The following LARP4B variants were observed in gnomAD, a reference collection of about 807,000 sequenced individuals.
The protein encoded by LARP4B is La ribonucleoprotein 4B.
A neutral mutation model predicts 89.8 loss-of-function variants in LARP4B; 12 were observed. The ratio of observed to expected loss-of-function variants is 0.13; its 90% CI spans 0.09 to 0.22. The LOEUF (loss-of-function observed/expected upper bound fraction) is 0.22, where lower values mean the gene tolerates loss of function less well. LARP4B is among the 10% of genes least tolerant of loss of function. LARP4B has a pLI of 1.00. For synonymous variants in LARP4B, 367 were observed against 363.3 expected (o/e 1.01, Z -0.12); for missense variants, 757 against 947.7 (o/e 0.80, Z 2.64).
At chr10:947,903 A>T in the LARP4B span, among the ~76,000 whole-genome samples, 1 of 152,152 alleles carries the variant, frequency 6.6e-6, no homozygotes, top group Non-Finnish European at 1.5e-5. Flanking sequence ...GATTACAGGC[A>T]TGAGCCACTG....
the LARP4B span, among the ~76,000 whole-genome samples, chr10:938,423 G>A: frequency 6.6e-6 from 1 of 151,636 alleles, no homozygotes; most frequent in African/African-American, 2.4e-5. Context: ...GCTAATTTTT[G>A]TTGTATTTTT....
chr10:820,091 G>T (rs115715502), intron 14 of LARP4B: 64 of 151,414 alleles, frequency 4.2e-4, no homozygotes, highest in African/African-American at 1.5e-3. Context: ...TGGTTCATGG[G>T]TACTGCTAAC....
At chr10:920,214 G>C (rs910029791) in intron 1 of LARP4B, among the ~76,000 whole-genome samples, 6 of 152,186 alleles carry the variant, frequency 3.9e-5, no homozygotes, top group African/African-American at 1.4e-4. Flanking sequence ...TAAAGAGGAG[G>C]CTCGTTACAG....
intron 1 of LARP4B, among the ~76,000 whole-genome samples, chr10:896,332 A>G (rs976361564): frequency 2.6e-5 from 4 of 152,238 alleles, no homozygotes; most frequent in Admixed American, 6.5e-5. Context: ...ATAGCATCAA[A>G]GAATATTCAA....
rs200902072 is a variant in LARP4B, at chr10:814,981, C to T, written c.1785G>A (p.Thr595=). ...SVPASCAVSA[T]YERSPSPAHL... ...GAGCTGGGGAGGGGGATCGCTCGTA[C>T]GTTGCTGATACAGCACAAGAAGCCG... is the stretch of plus-strand genomic sequence containing the variant. Residue 595 remains threonine, a synonymous_variant, in exon 16 of 18, where the codon ACG becomes ACA. Coordinates refer to ENST00000316157, the MANE Select transcript of LARP4B (RefSeq NM_015155.3). This position sits in a 1 kb window ranked among gnomAD's most constrained non-coding sequence, Gnocchi z 4.4. The T allele has an allele frequency of 2.0e-4, 323 of 1,607,200 alleles. 2 individuals carry two copies. In the South Asian group the frequency reaches 3.3e-3, roughly 16 times the overall value.
intron 8 of LARP4B, among the ~76,000 whole-genome samples, chr10:831,847 C>T (rs1832921518): frequency 1.3e-5 from 2 of 152,054 alleles, no homozygotes; most frequent in Admixed American, 1.3e-4. Flanking sequence ...AAACTCCGAG[C>T]ATCTCCTCAA....
chr10:913,707 G>A (rs1054906676), intron 1 of LARP4B, among the ~76,000 whole-genome samples: 30 of 152,156 alleles, frequency 2.0e-4, no homozygotes, highest in Admixed American at 3.9e-4. Flanking sequence ...CTAGGAGTTC[G>A]AGACCAGCCA....
chr10:919,224 T>C (rs955199714), intron 1 of LARP4B, among the ~76,000 whole-genome samples: 6 of 152,204 alleles, frequency 3.9e-5, no homozygotes, highest in Admixed American at 3.9e-4. Flanking sequence ...ATGTGTGACT[T>C]AAGCCCCCAA....
intron 1 of LARP4B, among the ~76,000 whole-genome samples, chr10:925,401 A>G (rs2132058259): frequency 6.6e-6 from 1 of 152,312 alleles, no homozygotes; most frequent in African/African-American, 2.4e-5. Flanking sequence ...AAATGGAAAA[A>G]CATCCACTAA....
chr10:818,053 T>C (rs1832156964), intron 14 of LARP4B, 164 bp from the exon 15 acceptor site: 10 of 634,156 alleles, frequency 1.6e-5, no homozygotes, highest in Non-Finnish European at 2.4e-5. Flanking sequence ...ACTTCAACCA[T>C]CTAGAGCAGA....
the LARP4B span, among the ~76,000 whole-genome samples, chr10:961,710 C>T: frequency 3.3e-5 from 5 of 152,072 alleles, no homozygotes; most frequent in Non-Finnish European, 7.4e-5. Flanking sequence ...AGAGAGGAGA[C>T]GAGAGAGAGG....
At chr10:863,410 T>C (rs1404696828) in intron 5 of LARP4B, among the ~76,000 whole-genome samples, 1 of 152,012 alleles carries the variant, frequency 6.6e-6, no homozygotes, top group African/African-American at 2.4e-5. Context: ...ATTTTTTTTT[T>C]AGTAGAGACG....
the LARP4B span, among the ~76,000 whole-genome samples, chr10:957,800 C>CT: frequency 0.042 from 5,235 of 125,078 alleles, 150 homozygotes; most frequent in Admixed American, 0.071. Context: ...CATTTTCTTT[C>CT]TTTTTTTTTT....
At chr10:816,549 C>T (rs898122960) in intron 15 of LARP4B, among the ~76,000 whole-genome samples, 7 of 152,362 alleles carry the variant, frequency 4.6e-5, no homozygotes, top group Admixed American at 4.6e-4. Flanking sequence ...AAACTGGGCA[C>T]AGCAGGAGCT....
intron 5 of LARP4B, 80 bp from the exon 6 acceptor site, chr10:845,135 C>T: frequency 2.1e-6 from 2 of 956,446 alleles, no homozygotes; most frequent in Middle Eastern, 2.2e-4. Flanking sequence ...AGTTCTAATG[C>T]TTTCAACTTA....
At chr10:956,891 G>T in the LARP4B span, among the ~76,000 whole-genome samples, 1 of 152,186 alleles carries the variant, frequency 6.6e-6, no homozygotes, top group Non-Finnish European at 1.5e-5. This position sits in a 1 kb window ranked among gnomAD's most constrained non-coding sequence, Gnocchi z 4.3. Context: ...TTTGGGCCAG[G>T]AAGGTGACGC....
At chr10:899,477 C>A (rs1054584683) in intron 1 of LARP4B, among the ~76,000 whole-genome samples, 6 of 152,226 alleles carry the variant, frequency 3.9e-5, no homozygotes, top group Non-Finnish European at 7.3e-5. Context: ...TATCTTCTAT[C>A]TACACACAGT....
chr10:909,079 G>A (rs1160825424), intron 1 of LARP4B, among the ~76,000 whole-genome samples: 1 of 152,078 alleles, frequency 6.6e-6, no homozygotes, highest in Non-Finnish European at 1.5e-5. Flanking sequence ...CAGATCACAA[G>A]GTCAGGAGAT....
rs1474433945 is a variant in LARP4B, at chr10:877,913, G to C, written c.141+6534C>G. On this transcript the variant is annotated intron_variant, in intron 3 of 17. Transcript: ENST00000316157. ...CAAATACCTAACATTGTTAGAAGGT[G>C]CTAACTGCTACACGTAAAGGGTCTG... is the stretch of plus-strand genomic sequence containing the variant. 2.0e-5 allele frequency among the ~76,000 whole-genome samples: 3 copies of C among 152,344 alleles called. No homozygotes were observed. In the East Asian group the frequency reaches 5.8e-4, roughly 29 times the overall value.
Sources: allele counts gnomAD v4.1 joint callset (sites outside exome capture counted in the v4.1 genomes callset), GRCh38; gene constraint gnomAD v4.1.1; non-coding constraint Gnocchi (gnomAD v3.1); transcripts MANE v1.5; gene names NCBI Gene and HGNC (gene_info 2026-07-23, HGNC 2026-07-21).